BAZ2B: variants seen among roughly 807,000 people sequenced by gnomAD.
BAZ2B encodes the protein bromodomain adjacent to zinc finger domain 2B.
In BAZ2B, 91 loss-of-function variants were observed where a neutral mutation model predicts 246.0. The ratio of observed to expected loss-of-function variants is 0.37; its 90% CI spans 0.31 to 0.44. BAZ2B has a LOEUF of 0.44. Among genes scored for constraint, BAZ2B ranks in the 20% least tolerant of loss-of-function variants. The pLI is 1.00. For missense variants in BAZ2B, 2,332 were observed against 2,533.7 expected (o/e 0.92, Z 1.71); for synonymous variants, 855 against 860.0 (o/e 0.99, Z 0.10).
chr2:159,425,211 C>T (rs1029895558), intron 13 of BAZ2B, among the ~76,000 whole-genome samples: 22 of 152,170 alleles, frequency 1.4e-4, no homozygotes, highest in African/African-American at 5.3e-4. Flanking sequence ...GATGGAGTCT[C>T]ACTCTGTCGC....
upstream of BAZ2B, among the ~76,000 whole-genome samples, chr2:159,620,273 T>C (rs1198314066): frequency 6.6e-6 from 1 of 152,206 alleles, no homozygotes; most frequent in Non-Finnish European, 1.5e-5. Context: ...TATAACAAGC[T>C]GGCCACTGTT....
intron 23 of BAZ2B, 72 bp downstream of exon 23, chr2:159,385,083 C>G: frequency 6.9e-7 from 1 of 1,452,812 alleles, no homozygotes. Flanking sequence ...TTTCTATAAT[C>G]AATTTGTATT....
At chr2:159,579,574 A>G (rs762357912) in intron 1 of BAZ2B, among the ~76,000 whole-genome samples, 4 of 152,208 alleles carry the variant, frequency 2.6e-5, no homozygotes, top group African/African-American at 4.8e-5. Flanking sequence ...AACTCATTTT[A>G]ATGCCAACAT....
At position 159,338,367 on chromosome 2, in the gene BAZ2B, A is replaced by G. The variant is rs188866777; in HGVS notation, c.5455-595T>C. Among the ~76,000 whole-genome samples the G allele has an allele frequency of 7.1e-3, 1,074 of 152,292 alleles. 15 individuals are homozygous for G. The highest frequency in any genetic ancestry group is 0.031 in the Middle Eastern group (9 of 294). Reference sequence around the variant, plus strand: ...CTAAGTCCCTCTCTGACAGGTTCTCATAGGACCATGCTCCTTAGCCTTGTC... The same window carrying G: ...CTAAGTCCCTCTCTGACAGGTTCTCGTAGGACCATGCTCCTTAGCCTTGTC... On this transcript the variant is annotated intron_variant, in intron 31 of 36. Transcript: ENST00000392783.
chr2:159,502,332 T>TA (rs35264021), intron 2 of BAZ2B, among the ~76,000 whole-genome samples: 39,004 of 149,728 alleles, frequency 0.26, 5,119 homozygotes, highest in South Asian at 0.36. Flanking sequence ...ATAAAGCTGT[T>TA]AAAAAAAAAA....
At chr2:159,423,363 CAAT>C (rs1362045711) in intron 13 of BAZ2B, among the ~76,000 whole-genome samples, 1 of 146,514 alleles carries the variant, frequency 6.8e-6, no homozygotes, top group Non-Finnish European at 1.5e-5. Context: ...TGTCAAAAAA[CAAT>C]AGTTGTTGGC....
At chr2:159,509,436 T>C (rs1353192127) in intron 2 of BAZ2B, among the ~76,000 whole-genome samples, 2 of 152,182 alleles carry the variant, frequency 1.3e-5, no homozygotes, top group Non-Finnish European at 1.5e-5. Context: ...AAAAGTTCAC[T>C]TTAAGAGGTG....
At chr2:159,636,463 A>G in the BAZ2B span, among the ~76,000 whole-genome samples, 1 of 152,150 alleles carries the variant, frequency 6.6e-6, no homozygotes, top group East Asian at 1.9e-4. Flanking sequence ...GCACCTATGC[A>G]TGGAGGGGGC....
chr2:159,583,801 G>T (rs1191895218), intron 1 of BAZ2B, among the ~76,000 whole-genome samples: 1 of 152,144 alleles, frequency 6.6e-6, no homozygotes, highest in African/African-American at 2.4e-5. Flanking sequence ...GTTTATTTTT[G>T]TTAGTGTTAA....
chr2:159,685,538 T>G, the BAZ2B span, among the ~76,000 whole-genome samples: 2 of 151,622 alleles, frequency 1.3e-5, no homozygotes, highest in South Asian at 2.1e-4. Flanking sequence ...CAGGGCTGGA[T>G]GAGAGAAAAT....
chr2:159,455,041 G>C (rs1220356192), intron 3 of BAZ2B, among the ~76,000 whole-genome samples: 2 of 152,058 alleles, frequency 1.3e-5, no homozygotes, highest in Admixed American at 6.6e-5. Flanking sequence ...AATACTCTAG[G>C]TTATCTTAAG....
At chr2:159,522,915 T>C (rs1372546112) in intron 2 of BAZ2B, among the ~76,000 whole-genome samples, 2 of 152,066 alleles carry the variant, frequency 1.3e-5, no homozygotes, top group Admixed American at 6.5e-5. Context: ...GTCATCTAGC[T>C]CATTGCTACT....
At chr2:159,416,593 A>T (rs1169641481) in intron 13 of BAZ2B, among the ~76,000 whole-genome samples, 1 of 152,184 alleles carries the variant, frequency 6.6e-6, no homozygotes, top group Non-Finnish European at 1.5e-5. Context: ...TTTTTGGCCA[A>T]AATTTTAAGA....
chr2:159,628,606 T>A, the BAZ2B span, among the ~76,000 whole-genome samples: 1 of 152,190 alleles, frequency 6.6e-6, no homozygotes, highest in East Asian at 1.9e-4. Flanking sequence ...TTGGGAAAAC[T>A]GGCTAGCCAT....
the BAZ2B span, among the ~76,000 whole-genome samples, chr2:159,691,353 T>C: frequency 6.6e-6 from 1 of 152,230 alleles, no homozygotes; most frequent in African/African-American, 2.4e-5. Flanking sequence ...AATAATTGCC[T>C]ACTATTGACC....
chr2:159,450,241 GGTATA>G (rs2074866985), intron 4 of BAZ2B, among the ~76,000 whole-genome samples: 1 of 152,044 alleles, frequency 6.6e-6, no homozygotes, highest in Admixed American at 6.5e-5. Context: ...CTGGTGTGGT[GGTATA>G]GTTCTGTAAT....
chr2:159,468,465 A>T (rs2077364194), intron 3 of BAZ2B, among the ~76,000 whole-genome samples: 2 of 152,242 alleles, frequency 1.3e-5, no homozygotes. Context: ...GTGGGAAGCC[A>T]AAAGAATCAT....
the BAZ2B span, chr2:159,712,253 G>T: frequency 6.6e-6 from 1 of 152,184 alleles, no homozygotes; most frequent in African/African-American, 2.4e-5. Context: ...CCAGCGCCCG[G>T]CGCCCGCACA....
the BAZ2B span, among the ~76,000 whole-genome samples, chr2:159,647,926 T>C: frequency 1.3e-5 from 2 of 152,210 alleles, no homozygotes; most frequent in Non-Finnish European, 2.9e-5. Context: ...TGAAGTATGC[T>C]GACTGAAATT....
Sources: allele counts gnomAD v4.1 joint callset (sites outside exome capture counted in the v4.1 genomes callset), GRCh38; gene constraint gnomAD v4.1.1; transcripts MANE v1.5; gene names NCBI Gene and HGNC (gene_info 2026-07-23, HGNC 2026-07-21).